ALK: variants seen among roughly 807,000 people sequenced by gnomAD.
ALK encodes the protein ALK receptor tyrosine kinase.
A neutral mutation model predicts 163.1 loss-of-function variants in ALK; 74 were observed. The ratio of observed to expected loss-of-function variants is 0.45; its 90% CI spans 0.38 to 0.55. The LOEUF (loss-of-function observed/expected upper bound fraction) is 0.55. ALK is among the 20% of genes least tolerant of loss of function. The pLI, the probability that ALK is intolerant of heterozygous loss-of-function variation, is 0.00. For missense variants in ALK, 2,063 were observed against 2,105.3 expected (o/e 0.98, Z 0.39); for synonymous variants, 960 against 843.2 (o/e 1.14, Z -2.40).
chr2:29,828,628 T>A (rs1350098330), intron 1 of ALK, among the ~76,000 whole-genome samples: 13 of 152,200 alleles, frequency 8.5e-5, no homozygotes, highest in African/African-American at 1.7e-4. Flanking sequence ...ATCTCACACC[T>A]GTTAGAATGG....
At chr2:29,581,886 G>A (rs1250537865) in intron 3 of ALK, among the ~76,000 whole-genome samples, 1 of 152,234 alleles carries the variant, frequency 6.6e-6, no homozygotes, top group South Asian at 2.1e-4. Context: ...CTTAGGCAGA[G>A]AGAAACATGT....
chr2:29,772,076 C>G (rs951193635), intron 1 of ALK, among the ~76,000 whole-genome samples: 13 of 151,970 alleles, frequency 8.6e-5, no homozygotes, highest in Non-Finnish European at 1.3e-4. Context: ...GCCCAGGATG[C>G]CAGAGGACAA....
chr2:29,475,795 A>G (rs1424584390), intron 4 of ALK, among the ~76,000 whole-genome samples: 31 of 152,206 alleles, frequency 2.0e-4, no homozygotes, highest in Admixed American at 1.8e-3. Context: ...AGGCTCATTC[A>G]TCTCTGGGAG....
At chr2:29,687,833 T>C (rs1678282573) in intron 3 of ALK, among the ~76,000 whole-genome samples, 1 of 152,210 alleles carries the variant, frequency 6.6e-6, no homozygotes, top group South Asian at 2.1e-4. Context: ...ACAATGTATA[T>C]GTGTAATTGT....
intron 3 of ALK, among the ~76,000 whole-genome samples, chr2:29,685,455 T>C (rs1308703937): frequency 6.6e-6 from 1 of 152,214 alleles, no homozygotes; most frequent in Non-Finnish European, 1.5e-5. Flanking sequence ...TGGGTATTTC[T>C]TTCCCATTTC....
chr2:29,641,084 G>C (rs1676687941), intron 3 of ALK, among the ~76,000 whole-genome samples: 1 of 152,110 alleles, frequency 6.6e-6, no homozygotes, highest in African/African-American at 2.4e-5. Context: ...TCCCAGTGGG[G>C]CTGCTGAAGG....
intron 24 of ALK, among the ~76,000 whole-genome samples, chr2:29,211,888 C>A (rs371873443): frequency 2.0e-5 from 3 of 152,232 alleles, no homozygotes; most frequent in African/African-American, 7.2e-5. Flanking sequence ...TAAATGATTA[C>A]TCTGGGATCT....
chr2:29,903,198 C>T (rs1435436995), intron 1 of ALK, among the ~76,000 whole-genome samples: 1 of 152,152 alleles, frequency 6.6e-6, no homozygotes, highest in Admixed American at 6.5e-5. Context: ...TGGAAAGTCT[C>T]AGGGACTATT....
At chr2:29,197,703 A>G (rs774553704) in intron 26 of ALK, 27 bp from the exon 27 acceptor site, 4 of 1,595,060 alleles carry the variant, frequency 2.5e-6, no homozygotes, top group African/African-American at 1.3e-5. Context: ...GGACATGGAG[A>G]TGGATATAGA....
intron 3 of ALK, among the ~76,000 whole-genome samples, chr2:29,652,841 C>A (rs577218681): frequency 2.6e-5 from 4 of 152,232 alleles, no homozygotes; most frequent in African/African-American, 9.6e-5. Flanking sequence ...CTTCCCCATA[C>A]CTTGCCCTAC....
At chr2:29,501,685 G>A (rs976442060) in intron 4 of ALK, among the ~76,000 whole-genome samples, 8 of 152,004 alleles carry the variant, frequency 5.3e-5, no homozygotes, top group African/African-American at 1.7e-4. Flanking sequence ...TTTTATTGTG[G>A]TAAAATATCC....
At chr2:29,415,565 C>T (rs1018155693) in intron 4 of ALK, among the ~76,000 whole-genome samples, 3 of 152,172 alleles carry the variant, frequency 2.0e-5, no homozygotes, top group Non-Finnish European at 4.4e-5. Flanking sequence ...GTTTGGAAAA[C>T]ACAGGCTCCC....
At chr2:29,703,184 G>C (rs775156784) in intron 2 of ALK, among the ~76,000 whole-genome samples, 1 of 152,164 alleles carries the variant, frequency 6.6e-6, no homozygotes, top group Non-Finnish European at 1.5e-5. Context: ...TTGTATTGGG[G>C]TTATTTTCCT....
chr2:29,310,332 T>C lies in ALK; in HGVS notation c.1647+7972A>G, dbSNP rs558554027. Among the ~76,000 whole-genome samples, 4 of 152,322 alleles carry C rather than the reference T, an allele frequency of 2.6e-5. No individual in the cohort carries two copies. The South Asian group carries it at 8.3e-4, about 32-fold the overall frequency. ...TTATAACGAGATAATGTAGGTGAAA[T>C]GCTTAGCATAGTGCCAGCCTTATAC... is the stretch of plus-strand genomic sequence containing the variant. On this transcript the variant is annotated intron_variant, in intron 8 of 28. Coordinates refer to ENST00000389048, the MANE Select transcript of ALK (RefSeq NM_004304.5).
At chr2:29,222,914 G>A (rs764149897) in intron 20 of ALK, among the ~76,000 whole-genome samples, 2 of 152,304 alleles carry the variant, frequency 1.3e-5, no homozygotes, top group South Asian at 4.1e-4. Flanking sequence ...ATAAGCCATG[G>A]CTTTTCCCCG....
chr2:29,399,854 A>G (rs2148314242), intron 4 of ALK, among the ~76,000 whole-genome samples: 1 of 152,332 alleles, frequency 6.6e-6, no homozygotes, highest in South Asian at 2.1e-4. Flanking sequence ...TACTGGGATA[A>G]TGCAAGACTC....
intron 1 of ALK, among the ~76,000 whole-genome samples, chr2:29,747,135 T>C (rs1680225617): frequency 6.6e-6 from 1 of 152,132 alleles, no homozygotes; most frequent in Non-Finnish European, 1.5e-5. Flanking sequence ...TGCTGACTGA[T>C]GGAAAAGCCC....
In ALK at chr2:29,200,781, A is replaced by ATATG. The variant is rs1553389143; in HGVS notation, c.3939-3106_3939-3105insCATA. On this transcript the variant is annotated intron_variant, in intron 26 of 28. Coordinates refer to ENST00000389048, the MANE Select transcript of ALK (RefSeq NM_004304.5). ...TATATGTATATATATACGTATATAT[A>ATATG]TGTATATACATGTATACATATATAT... is the stretch of plus-strand genomic sequence containing the variant. Among the ~76,000 whole-genome samples, 675 of 136,544 alleles carry ATATG rather than the reference A, an allele frequency of 4.9e-3. 20 individuals carry two copies. Among genetic ancestry groups the ATATG allele is most frequent in the Admixed American group, 0.027 (342 of 12,786 alleles). The allele number at this position is 136,544 out of a possible 152,430, so 89.6% of individuals were successfully genotyped here.
At chr2:29,831,005 A>G (rs1421285788) in intron 1 of ALK, among the ~76,000 whole-genome samples, 5 of 46,280 alleles carry the variant, frequency 1.1e-4, no homozygotes, top group African/African-American at 3.1e-4. Flanking sequence ...AAGAAGAAGA[A>G]GAAGAAGGGG....
Sources: allele counts gnomAD v4.1 joint callset (sites outside exome capture counted in the v4.1 genomes callset), GRCh38; gene constraint gnomAD v4.1.1; transcripts MANE v1.5; gene names NCBI Gene and HGNC (gene_info 2026-07-23, HGNC 2026-07-21).